Variants in FHOD3 observed in about 807,000 individuals in gnomAD.
FHOD3 encodes FH1/FH2 domain-containing protein 3.
In FHOD3, 90 loss-of-function variants were observed where a neutral mutation model predicts 173.0. The observed-to-expected ratio is 0.52, with a 90% confidence interval of 0.44 to 0.62. The LOEUF is 0.62. Ranked by LOEUF, FHOD3 falls within the 20% of genes least tolerant of loss-of-function variation. The pLI is 0.00. For missense variants in FHOD3, 1,945 were observed against 2,034.7 expected (o/e 0.96, Z 0.85); for synonymous variants, 828 against 823.0 (o/e 1.01, Z -0.10).
chr18:36,532,575 A>G (rs2056831065), intron 5 of FHOD3, among the ~76,000 whole-genome samples: 1 of 151,822 alleles, frequency 6.6e-6, no homozygotes, highest in Non-Finnish European at 1.5e-5. Flanking sequence ...TGTCTACTCT[A>G]CTCTTGGCAG....
chr18:36,751,047 T>C (rs1458309466), intron 24 of FHOD3, among the ~76,000 whole-genome samples: 1 of 152,246 alleles, frequency 6.6e-6, no homozygotes, highest in Non-Finnish European at 1.5e-5. Flanking sequence ...AGGAATAGCA[T>C]TGAATCTGTA....
At chr18:36,513,074 C>A (rs1228182955) in intron 5 of FHOD3, among the ~76,000 whole-genome samples, 1 of 151,610 alleles carries the variant, frequency 6.6e-6, no homozygotes, top group East Asian at 1.9e-4. Context: ...TAAAGCGATG[C>A]AAATGTAGAG....
chr18:36,759,722 G>T (rs1253504305), intron 26 of FHOD3, among the ~76,000 whole-genome samples: 1 of 152,186 alleles, frequency 6.6e-6, no homozygotes, highest in Non-Finnish European at 1.5e-5. Context: ...ATTGGCCCTG[G>T]AAAATAAGGA....
intron 3 of FHOD3, among the ~76,000 whole-genome samples, chr18:36,421,594 G>A (rs2049988488): frequency 6.6e-6 from 1 of 152,188 alleles, no homozygotes; most frequent in Non-Finnish European, 1.5e-5. Flanking sequence ...AGCGGTAAAG[G>A]TGACATATAC....
rs545012569 is a variant in FHOD3, at chr18:36,766,120, A to G, written c.4625-3145A>G. Among the ~76,000 whole-genome samples, 7 of 152,300 alleles carry G rather than the reference A, an allele frequency of 4.6e-5. No homozygotes were observed. In the South Asian group the frequency reaches 1.4e-3, roughly 32 times the overall value. ...CTCCTATGGTGCAATGATAATAATGATGGCTCAATTTTCAAAAGGAACTGT... is the reference window on the plus strand; with the variant it reads ...CTCCTATGGTGCAATGATAATAATGGTGGCTCAATTTTCAAAAGGAACTGT... On this transcript the variant is annotated intron_variant, in intron 27 of 28. Transcript: ENST00000590592.
At chr18:36,573,995 T>A (rs2058554993) in intron 5 of FHOD3, among the ~76,000 whole-genome samples, 2 of 152,204 alleles carry the variant, frequency 1.3e-5, no homozygotes, top group Admixed American at 6.5e-5. Flanking sequence ...GCTCTGCTAC[T>A]TAGGCAGTGA....
intron 17 of FHOD3, among the ~76,000 whole-genome samples, chr18:36,702,805 T>TGTGTGTGTGTGCGC (rs2039659878): frequency 6.6e-6 from 1 of 152,186 alleles, no homozygotes; most frequent in Non-Finnish European, 1.5e-5. Context: ...TCCTGCCCAC[T>TGTGTGTGTGTGCGC]GTGTGTGTGT....
chr18:36,522,667 G>A (rs138986683), intron 5 of FHOD3, among the ~76,000 whole-genome samples: 2 of 152,302 alleles, frequency 1.3e-5, no homozygotes, highest in African/African-American at 4.8e-5. Context: ...CTGCTCCTGA[G>A]TGCCTCATAA....
rs111556426 is a variant in FHOD3 at position 36,554,608 on chromosome 18, A to G, written c.512-21843A>G. Among the ~76,000 whole-genome samples the G allele has an allele frequency of 1.1e-3, 172 of 152,320 alleles. 3 individuals carry two copies. The highest frequency in any genetic ancestry group is 3.9e-3 in the African/African-American group (162 of 41,580). ...TGTAACAAACCTGCACGTTGTGCAC[A>G]TGTACCCTAGAACTTGAAGTATAAT... is the stretch of plus-strand genomic sequence containing the variant. On this transcript the variant is annotated intron_variant, in intron 5 of 28. Transcript: ENST00000590592.
chr18:36,411,922 T>A (rs2049372957), intron 3 of FHOD3, among the ~76,000 whole-genome samples: 1 of 152,238 alleles, frequency 6.6e-6, no homozygotes. Context: ...CAATGGCGCC[T>A]CCCTTGGCCT....
At chr18:36,645,737 A>AT (rs2035635068) in intron 10 of FHOD3, among the ~76,000 whole-genome samples, 2 of 152,232 alleles carry the variant, frequency 1.3e-5, no homozygotes, top group African/African-American at 4.8e-5. Flanking sequence ...ATAATACATT[A>AT]CAACAAAATG....
intron 1 of FHOD3, among the ~76,000 whole-genome samples, chr18:36,326,070 A>T (rs1168412637): frequency 6.6e-6 from 1 of 152,244 alleles, no homozygotes; most frequent in African/African-American, 2.4e-5. Flanking sequence ...TCAGCAGTCA[A>T]GCCATGTCCA....
chr18:36,336,662 C>A (rs1202677093), intron 1 of FHOD3, among the ~76,000 whole-genome samples: 1 of 141,920 alleles, frequency 7.0e-6, no homozygotes, highest in Admixed American at 7.1e-5. Flanking sequence ...CATGGTGAAA[C>A]CCTGTTTCTG....
At chr18:36,481,845 A>T (rs2053918933) in intron 3 of FHOD3, among the ~76,000 whole-genome samples, 1 of 152,148 alleles carries the variant, frequency 6.6e-6, no homozygotes, top group African/African-American at 2.4e-5. Flanking sequence ...ATTGAATCAG[A>T]GGCAGTCTTT....
chr18:36,502,122 T>C (rs1334818229), intron 4 of FHOD3, 123 bp downstream of exon 4: 1 of 545,938 alleles, frequency 1.8e-6, no homozygotes, highest in Non-Finnish European at 3.2e-6. Flanking sequence ...TATTTATATT[T>C]AGATTACAAT....
intron 4 of FHOD3, among the ~76,000 whole-genome samples, chr18:36,503,134 G>A (rs1026934974): frequency 3.3e-5 from 5 of 152,076 alleles, no homozygotes; most frequent in African/African-American, 1.2e-4. Flanking sequence ...CCCTGAGAAA[G>A]TCACCAACAT....
intron 14 of FHOD3, 147 bp downstream of exon 14, chr18:36,658,335 TTC>T: frequency 1.7e-6 from 1 of 572,394 alleles, no homozygotes; most frequent in Non-Finnish European, 3.0e-6. Context: ...CAGGAATATT[TTC>T]TCTTTCTTTC....
intron 3 of FHOD3, among the ~76,000 whole-genome samples, chr18:36,447,648 A>G (rs536429120): frequency 1.3e-5 from 2 of 152,354 alleles, no homozygotes; most frequent in African/African-American, 4.8e-5. Flanking sequence ...AGTACCCCAA[A>G]TCAGACAAGA....
intron 12 of FHOD3, 92 bp from the exon 13 acceptor site, chr18:36,653,250 G>A (rs1218878706): frequency 1.6e-5 from 16 of 981,608 alleles, no homozygotes; most frequent in South Asian, 3.1e-5. Flanking sequence ...CAAGCCAGGT[G>A]GCATGAAGTC....
Sources: gnomAD v4.1 joint callset for allele counts (sites outside exome capture counted in the v4.1 genomes callset) on GRCh38, gnomAD v4.1.1 for gene constraint, MANE v1.5 for transcripts, NCBI Gene and HGNC (gene_info 2026-07-23, HGNC 2026-07-21) for gene names.